The following STAU2 variants were observed in gnomAD, a reference collection of about 807,000 sequenced individuals.
STAU2 encodes the protein double-stranded RNA-binding protein Staufen homolog 2.
A neutral mutation model predicts 65.9 loss-of-function variants in STAU2; 20 were observed. That is an observed-to-expected ratio of 0.30 (90% CI 0.21 to 0.44). The LOEUF (loss-of-function observed/expected upper bound fraction) is 0.44, where lower values mean the gene tolerates loss of function less well. Ranked by LOEUF, STAU2 falls within the 20% of genes least tolerant of loss-of-function variation. The pLI, the probability that STAU2 is intolerant of heterozygous loss-of-function variation, is 1.00. For synonymous variants in STAU2, 232 were observed against 233.9 expected (o/e 0.99, Z 0.07); for missense variants, 558 against 683.9 (o/e 0.82, Z 2.05).
chr8:73,481,507 AC>A (rs66910984), intron 13 of STAU2, among the ~76,000 whole-genome samples: 8,924 of 76,248 alleles, frequency 0.12, 405 homozygotes, highest in African/African-American at 0.19. Context: ...AGCCAAAAAA[AC>A]AAAAAAACAA....
At chr8:73,689,835 C>A (rs1297601736) in intron 4 of STAU2, among the ~76,000 whole-genome samples, 1 of 151,918 alleles carries the variant, frequency 6.6e-6, no homozygotes, top group Non-Finnish European at 1.5e-5. Flanking sequence ...GTCATGTGCC[C>A]CCTGATACAA....
chr8:73,650,784 G>A (rs554141168), intron 6 of STAU2, among the ~76,000 whole-genome samples: 9 of 152,174 alleles, frequency 5.9e-5, no homozygotes, highest in African/African-American at 1.7e-4. Context: ...GTGAACAGAA[G>A]TTCTTACACC....
chr8:73,650,064 C>T (rs1815742853), intron 6 of STAU2, among the ~76,000 whole-genome samples: 1 of 151,436 alleles, frequency 6.6e-6, no homozygotes, highest in African/African-American at 2.4e-5. Context: ...AGATTCTGTA[C>T]TTTTTGAGTA....
intron 11 of STAU2, among the ~76,000 whole-genome samples, chr8:73,591,243 T>A (rs546042681): frequency 1.3e-5 from 2 of 151,708 alleles, no homozygotes; most frequent in Non-Finnish European, 2.9e-5. Flanking sequence ...ATAGCCACAA[T>A]AGGAGGTCAG....
chr8:73,564,261 T>C (rs1190236731), intron 12 of STAU2, among the ~76,000 whole-genome samples: 1 of 152,196 alleles, frequency 6.6e-6, no homozygotes, highest in Admixed American at 6.5e-5. Context: ...CCCGGCACCA[T>C]TTGTTGAAAA....
intron 9 of STAU2, among the ~76,000 whole-genome samples, chr8:73,612,963 C>T (rs1812582327): frequency 6.6e-6 from 1 of 152,236 alleles, no homozygotes; most frequent in South Asian, 2.1e-4. Context: ...GCTGATTCAT[C>T]TCATTCCTCT....
intron 3 of STAU2, chr8:73,733,020 T>C (rs1035106354): frequency 6.6e-6 from 1 of 151,990 alleles, no homozygotes; most frequent in African/African-American, 2.4e-5. Context: ...GGTCTTACAC[T>C]ATCCAGTGTA....
intron 3 of STAU2, among the ~76,000 whole-genome samples, chr8:73,727,059 G>A (rs915878821): frequency 2.6e-5 from 4 of 152,000 alleles, no homozygotes; most frequent in East Asian, 3.9e-4. Flanking sequence ...GTGAAACCCC[G>A]TCTCTACTAA....
chr8:73,731,871 A>G lies in STAU2; in HGVS notation c.-18+6413T>C, dbSNP rs560982502. On this transcript the variant is annotated intron_variant, in intron 3 of 14. Coordinates refer to ENST00000524300, the MANE Select transcript of STAU2 (RefSeq NM_001164380.2). ...GGAGAATCACCTGAACCTGGGAGAC[A>G]GAGGTTGCAGTGAGCTGAGATCGTA... 3.9e-5 allele frequency among the ~76,000 whole-genome samples: 6 copies of G among 152,308 alleles called. No individual in the cohort carries two copies. In the South Asian group the frequency reaches 1.2e-3, roughly 32 times the overall value.
At chr8:73,495,906 A>C (rs1821396347) in intron 13 of STAU2, among the ~76,000 whole-genome samples, 1 of 151,386 alleles carries the variant, frequency 6.6e-6, no homozygotes, top group South Asian at 2.1e-4. Flanking sequence ...CCCCGCACAC[A>C]TATATGTACA....
At chr8:73,714,329 T>C (rs1459980240) in intron 3 of STAU2, among the ~76,000 whole-genome samples, 1 of 152,238 alleles carries the variant, frequency 6.6e-6, no homozygotes, top group East Asian at 1.9e-4. Flanking sequence ...GACCCTTTCA[T>C]GGGCTCTTGC....
chr8:73,568,711 G>A (rs776668225), intron 12 of STAU2, among the ~76,000 whole-genome samples: 2 of 152,194 alleles, frequency 1.3e-5, no homozygotes, highest in Non-Finnish European at 2.9e-5. Context: ...TTAGTATATG[G>A]TAACAGTGAA....
chr8:73,424,991 C>G (rs573025103), intron 13 of STAU2, among the ~76,000 whole-genome samples: 1 of 152,220 alleles, frequency 6.6e-6, no homozygotes, highest in Admixed American at 6.5e-5. Context: ...TGATGCCACC[C>G]CATAGCTCCT....
At chr8:73,501,074 A>C (rs185426816) in intron 13 of STAU2, among the ~76,000 whole-genome samples, 11 of 152,040 alleles carry the variant, frequency 7.2e-5, no homozygotes, top group African/African-American at 2.6e-4. Flanking sequence ...TGTACAATAG[A>C]TGTCTTCTGC....
chr8:73,507,612 C>T (rs144503882), intron 13 of STAU2, among the ~76,000 whole-genome samples: 50 of 152,326 alleles, frequency 3.3e-4, no homozygotes, highest in African/African-American at 1.2e-3. Flanking sequence ...GTGGTTTCAA[C>T]TTGAAGTCAT....
rs371525609 is a variant in STAU2 at position 73,564,042 on chromosome 8, C to T, written c.1223-11723G>A. Among the ~76,000 whole-genome samples the T allele has an allele frequency of 1.8e-4, 28 of 152,312 alleles. No homozygotes were observed. In the South Asian group the frequency reaches 5.6e-3, roughly 30 times the overall value. The stretch of plus-strand genomic sequence containing the variant: ...CAATTTCACTTTACCCACACCACCC[C>T]CCTAAGTCAGCATAGCTTAGTGCCA... On this transcript the variant is annotated intron_variant, in intron 12 of 14. Coordinates refer to ENST00000524300, the MANE Select transcript of STAU2 (RefSeq NM_001164380.2).
intron 4 of STAU2, among the ~76,000 whole-genome samples, chr8:73,695,383 T>C (rs1179006383): frequency 7.6e-6 from 1 of 131,284 alleles, no homozygotes; most frequent in Non-Finnish European, 1.7e-5. Context: ...CCCACTGCCT[T>C]GAAGGTAAGG....
intron 13 of STAU2, among the ~76,000 whole-genome samples, chr8:73,526,979 T>C (rs1350888438): frequency 2.0e-5 from 3 of 152,236 alleles, no homozygotes; most frequent in Admixed American, 1.3e-4. Flanking sequence ...AGTCACATGC[T>C]GCATTATGAC....
chr8:73,513,353 C>A (rs929207201), intron 13 of STAU2, among the ~76,000 whole-genome samples: 2 of 152,090 alleles, frequency 1.3e-5, no homozygotes, highest in Non-Finnish European at 1.5e-5. Context: ...TAGTGGTCAG[C>A]CAGTAATTAG....
Sources: gnomAD v4.1 joint callset for allele counts (sites outside exome capture counted in the v4.1 genomes callset) on GRCh38, gnomAD v4.1.1 for gene constraint, MANE v1.5 for transcripts, NCBI Gene and HGNC (gene_info 2026-07-23, HGNC 2026-07-21) for gene names.